METTL9: variants seen among roughly 807,000 people sequenced by gnomAD.
METTL9 encodes the protein protein-L-histidine N-pros-methyltransferase.
A neutral mutation model predicts 36.0 loss-of-function variants in METTL9; 10 were observed. The ratio of observed to expected loss-of-function variants is 0.28; its 90% confidence interval spans 0.17 to 0.47. The LOEUF is 0.47. Among genes scored for constraint, METTL9 ranks in the 20% least tolerant of loss-of-function variants. The pLI is 0.99. For missense variants in METTL9, 246 were observed against 383.5 expected (o/e 0.64, Z 3.00); for synonymous variants, 175 against 149.7 (o/e 1.17, Z -1.23).
intron 4 of METTL9, among the ~76,000 whole-genome samples, chr16:21,638,324 G>A (rs1966158852): frequency 6.6e-6 from 1 of 152,092 alleles, no homozygotes; most frequent in African/African-American, 2.4e-5. Flanking sequence ...ATCTCAAGAA[G>A]AAAGAAAAAG....
At chr16:21,614,667 C>T (rs1052943616) in intron 2 of METTL9, among the ~76,000 whole-genome samples, 3 of 152,114 alleles carry the variant, frequency 2.0e-5, no homozygotes, top group Non-Finnish European at 2.9e-5. Flanking sequence ...GAAATCATTA[C>T]TGTAGTACTG....
chr16:21,647,349 C>G, intron 4 of METTL9: 1 of 1,614,182 alleles, frequency 6.2e-7, no homozygotes. Context: ...TGGTGAGCAC[C>G]GTAGCGAAAC....
chr16:21,601,956 G>A (rs1965142872), intron 1 of METTL9, among the ~76,000 whole-genome samples: 1 of 152,168 alleles, frequency 6.6e-6, no homozygotes, highest in Non-Finnish European at 1.5e-5. Flanking sequence ...AGAAAGGTGT[G>A]TAGAAACCAC....
In METTL9 at chr16:21,611,210, G is replaced by GTAA. The variant is rs368428613; in HGVS notation, c.166-1434_166-1433insAAT. Among the ~76,000 whole-genome samples, 196 of 152,316 alleles carry GTAA rather than the reference G, an allele frequency of 1.3e-3. 2 individuals carry two copies. The highest frequency in any genetic ancestry group is 4.5e-3 in the African/African-American group (188 of 41,574). ...CAACTGGAAAGGTTTGGTTTACCCA[G>GTAA]TTTAGGGAACAGAGTTTGTAAAATG... On this transcript the variant is annotated intron_variant, in intron 1 of 4. Transcript: ENST00000358154.
intron 4 of METTL9, chr16:21,643,498 G>A (rs748691676): frequency 7.4e-6 from 9 of 1,209,828 alleles, no homozygotes; most frequent in South Asian, 5.3e-5. Context: ...TTTTGAAATC[G>A]TTACAACCAG....
At chr16:21,646,210 G>A (rs148776858) in intron 4 of METTL9, among the ~76,000 whole-genome samples, 125 of 151,704 alleles carry the variant, frequency 8.2e-4, no homozygotes, top group Non-Finnish European at 1.4e-3. Flanking sequence ...GGAATGACTT[G>A]GTGAAATTAC....
chr16:21,629,744 G>A (rs1273819349), intron 4 of METTL9, among the ~76,000 whole-genome samples: 1 of 152,156 alleles, frequency 6.6e-6, no homozygotes, highest in Non-Finnish European at 1.5e-5. Flanking sequence ...CAGCAGGTTG[G>A]TGCTGCTGGC....
intron 4 of METTL9, chr16:21,653,133 C>G (rs3759991): frequency 6.6e-6 from 1 of 152,120 alleles, no homozygotes; most frequent in Non-Finnish European, 1.5e-5. Flanking sequence ...ACCTGCCTTC[C>G]CCCCTTTTTT....
At chr16:21,617,279 G>A (rs1965576629) in intron 2 of METTL9, among the ~76,000 whole-genome samples, 1 of 151,958 alleles carries the variant, frequency 6.6e-6, no homozygotes, top group Admixed American at 6.6e-5. Flanking sequence ...TTAGTCAGGT[G>A]TGGTGGCGGG....
At chr16:21,601,950 A>G (rs1389992613) in intron 1 of METTL9, among the ~76,000 whole-genome samples, 3 of 152,174 alleles carry the variant, frequency 2.0e-5, no homozygotes, top group African/African-American at 4.8e-5. Context: ...AACAGAAGAA[A>G]GGTGTGTAGA....
intron 4 of METTL9, among the ~76,000 whole-genome samples, chr16:21,647,874 C>A (rs182661633): frequency 6.6e-6 from 1 of 152,108 alleles, no homozygotes; most frequent in African/African-American, 2.4e-5. Flanking sequence ...CTTTCTTGTC[C>A]GCACCCTGGC....
At chr16:21,605,489 C>G (rs1965260232) in intron 1 of METTL9, among the ~76,000 whole-genome samples, 1 of 151,672 alleles carries the variant, frequency 6.6e-6, no homozygotes, top group Non-Finnish European at 1.5e-5. Flanking sequence ...AAGCAGTCCT[C>G]CTGCCTCAGT....
At chr16:21,647,533 C>T in intron 4 of METTL9, 4 of 1,567,048 alleles carry the variant, frequency 2.6e-6, no homozygotes, top group Non-Finnish European at 3.5e-6. Context: ...GGGCCTGCCA[C>T]CTCACTTTGT....
Position 21,599,974 on chromosome 16 carries a change from G to C in METTL9, c.165+76G>C. ...CGCGCTGGGCCCGGCTATTGTGCGG[G>C]ACGGCTCCGCGAGGGGGCGGCCCGG... On this transcript the variant is annotated intron_variant, in intron 1 of 4. Coordinates refer to ENST00000358154, the MANE Select transcript of METTL9 (RefSeq NM_016025.5). The surrounding 1 kb of genome is among the most constrained non-coding windows in gnomAD (Gnocchi z 4.4). 1 of 1,183,490 alleles carries C rather than the reference G, an allele frequency of 8.4e-7. No homozygotes were observed. Among genetic ancestry groups the C allele is most frequent in the African/African-American group, 1.6e-5 (1 of 62,364 alleles). The allele number at this position is 1,183,490 out of a possible 1,614,324, so 73.3% of individuals were successfully genotyped here.
intron 4 of METTL9, chr16:21,627,133 C>T: frequency 1.0e-6 from 1 of 985,332 alleles, no homozygotes; most frequent in Non-Finnish European, 1.2e-6. Context: ...CGCGCCACGG[C>T]ACTCTATTAT....
chr16:21,624,739 AT>A (rs370974533), intron 3 of METTL9, among the ~76,000 whole-genome samples, 191 bp from the exon 4 acceptor site: 3 of 149,630 alleles, frequency 2.0e-5, no homozygotes, highest in Admixed American at 6.7e-5. Context: ...AAAAGAAAAA[AT>A]TAAAAAAAAA....
chr16:21,649,901 GT>G (rs1402170169), intron 4 of METTL9, among the ~76,000 whole-genome samples: 1 of 152,048 alleles, frequency 6.6e-6, no homozygotes. Flanking sequence ...TAGAGACAGG[GT>G]TTTGCGATGT....
At chr16:21,647,576 G>A in intron 4 of METTL9, 1 of 1,484,370 alleles carries the variant, frequency 6.7e-7, no homozygotes, top group African/African-American at 1.4e-5. Flanking sequence ...AGGAAACCCA[G>A]CCATTCTGTT....
At chr16:21,615,251 C>T (rs1965524931) in intron 2 of METTL9, among the ~76,000 whole-genome samples, 1 of 152,018 alleles carries the variant, frequency 6.6e-6, no homozygotes, top group African/African-American at 2.4e-5. Context: ...TTTTTGGAGA[C>T]AGGGTCTCGC....
Sources: allele counts gnomAD v4.1 joint callset (sites outside exome capture counted in the v4.1 genomes callset), GRCh38; gene constraint gnomAD v4.1.1; non-coding constraint Gnocchi (gnomAD v3.1); transcripts MANE v1.5; gene names NCBI Gene and HGNC (gene_info 2026-07-23, HGNC 2026-07-21).